Variants in ARHGAP24 observed in about 807,000 individuals in gnomAD.
ARHGAP24 encodes the protein Rho GTPase activating protein 24, also known as rho GTPase-activating protein 24.
Under a neutral mutation model 76.4 loss-of-function variants are expected in ARHGAP24, and 50 were observed. The observed-to-expected ratio is 0.65, with a 90% CI of 0.52 to 0.83. The LOEUF is 0.83. Ranked by LOEUF, ARHGAP24 falls within the 40% of genes least tolerant of loss-of-function variation. The pLI is 0.00. For synonymous variants in ARHGAP24, 345 were observed against 323.3 expected (o/e 1.07, Z -0.72); for missense variants, 930 against 914.2 (o/e 1.02, Z -0.22).
At chr4:85,859,220 C>CAA (rs1463497424) in intron 3 of ARHGAP24, among the ~76,000 whole-genome samples, 1 of 151,290 alleles carries the variant, frequency 6.6e-6, no homozygotes, top group Admixed American at 6.6e-5. Flanking sequence ...CATACACACA[C>CAA]ACACACACAC....
At chr4:85,620,696 CTTAAG>C (rs1720688445) in intron 2 of ARHGAP24, among the ~76,000 whole-genome samples, 1 of 151,596 alleles carries the variant, frequency 6.6e-6, no homozygotes, top group Admixed American at 6.6e-5. Flanking sequence ...AAACTTTGGG[CTTAAG>C]TTGTTTTTCT....
intron 3 of ARHGAP24, among the ~76,000 whole-genome samples, chr4:85,900,484 C>T: frequency 6.7e-6 from 1 of 150,302 alleles, no homozygotes; most frequent in Non-Finnish European, 1.5e-5. Flanking sequence ...GAGTTTTGCT[C>T]TTGTTGCCCA....
At chr4:85,675,850 T>A (rs950147090) in intron 2 of ARHGAP24, among the ~76,000 whole-genome samples, 2 of 152,182 alleles carry the variant, frequency 1.3e-5, no homozygotes, top group African/African-American at 4.8e-5. Flanking sequence ...TCAGGCAGGA[T>A]GGTTAGAGCC....
At position 85,570,650 on chromosome 4, in the gene ARHGAP24, C is replaced by A; in HGVS notation, c.109C>A (p.His37Asn). 1 of 1,614,112 alleles carries A rather than the reference C, an allele frequency of 6.2e-7. No individual in the cohort carries two copies. The highest frequency in any genetic ancestry group is 8.5e-7 in the Non-Finnish European group (1 of 1,180,022). Residue 37 changes from histidine (H) to asparagine (N), a missense_variant, in exon 2 of 10, where the codon CAT (histidine) becomes AAT (asparagine). By Grantham distance (68) the His-to-Asn change is moderately conservative. Coordinates refer to ENST00000395184, the MANE Select transcript of ARHGAP24 (RefSeq NM_001025616.3). Reference sequence around the variant, plus strand: ...GCAAGGAGGCTTTGTCAAGACTTGGCATACTCGCTGGTTTGTGCTCAAGGG... The same window carrying A: ...GCAAGGAGGCTTTGTCAAGACTTGGAATACTCGCTGGTTTGTGCTCAAGGG... Reference protein sequence around the residue: ...RKQGGFVKTWHTRWFVLKGDQ... With the variant: ...RKQGGFVKTWNTRWFVLKGDQ...
intron 2 of ARHGAP24, among the ~76,000 whole-genome samples, chr4:85,658,073 C>A (rs187219202): frequency 1.3e-5 from 2 of 152,190 alleles, no homozygotes; most frequent in East Asian, 3.9e-4. Context: ...TTTAATTATT[C>A]TTCATTTACA....
chr4:85,733,060 C>CTTTTTTTTTT (rs1210109366), intron 3 of ARHGAP24, among the ~76,000 whole-genome samples: 618 of 55,198 alleles, frequency 0.011, 201 homozygotes, highest in African/African-American at 0.023. Context: ...GCCTCACCAA[C>CTTTTTTTTTT]TTTTTTTTTT....
Position 85,709,062 on chromosome 4 carries a change from A to G in ARHGAP24, c.181-12823A>G, listed in dbSNP as rs149060994. Among the ~76,000 whole-genome samples the G allele has an allele frequency of 2.4e-3, 367 of 152,268 alleles. 1 individual carries two copies. The highest frequency in any genetic ancestry group is 8.6e-3 in the African/African-American group (357 of 41,558). On this transcript the variant is annotated intron_variant, in intron 2 of 9. Transcript: ENST00000395184. ...TATCTGTGCCTTCTATATTCCCAGT[A>G]CCCTTTAAACTATTAAGGATAGATA...
At chr4:85,875,866 C>T (rs1054798563) in intron 3 of ARHGAP24, among the ~76,000 whole-genome samples, 4 of 150,964 alleles carry the variant, frequency 2.6e-5, no homozygotes, top group Non-Finnish European at 5.9e-5. Context: ...TTCAGCCTCC[C>T]GAGTTAGCTG....
chr4:85,968,607 C>A (rs1459725927), intron 5 of ARHGAP24, among the ~76,000 whole-genome samples: 1 of 152,052 alleles, frequency 6.6e-6, no homozygotes. Context: ...TTCAGAGAAA[C>A]GCCAGACTTC....
chr4:85,923,871 G>A (rs997632380), intron 4 of ARHGAP24, 101 bp downstream of exon 4: 2 of 1,530,670 alleles, frequency 1.3e-6, no homozygotes, highest in Middle Eastern at 1.8e-4. Flanking sequence ...ATTCAAGTGG[G>A]TGAATGTTAA....
At chr4:85,737,207 G>T (rs1425300103) in intron 3 of ARHGAP24, among the ~76,000 whole-genome samples, 1 of 152,042 alleles carries the variant, frequency 6.6e-6, no homozygotes, top group Non-Finnish European at 1.5e-5. Flanking sequence ...AGTCATAAGT[G>T]ACCCCTCTCC....
chr4:85,859,445 C>T lies in ARHGAP24; in HGVS notation c.269-64203C>T, dbSNP rs1166257283. 2.6e-5 allele frequency among the ~76,000 whole-genome samples: 4 copies of T among 152,004 alleles called. No homozygotes were observed. The East Asian group carries it at 5.8e-4, about 22-fold the overall frequency. ...ATAGAAAATGGTAACAGAGTAATCT[C>T]GGCAGATAAAAATAAAGTCCCAAAT... On this transcript the variant is annotated intron_variant, in intron 3 of 9. Coordinates refer to ENST00000395184, the MANE Select transcript of ARHGAP24 (RefSeq NM_001025616.3).
At chr4:85,725,768 T>C (rs1376194093) in intron 3 of ARHGAP24, among the ~76,000 whole-genome samples, 1 of 152,174 alleles carries the variant, frequency 6.6e-6, no homozygotes, top group East Asian at 1.9e-4. Flanking sequence ...GCTTGCTTTG[T>C]GTTTATTCAG....
At chr4:85,602,243 A>C (rs191933024) in intron 2 of ARHGAP24, among the ~76,000 whole-genome samples, 38 of 152,332 alleles carry the variant, frequency 2.5e-4, no homozygotes, top group Admixed American at 2.0e-3. Flanking sequence ...ATCTCACGTA[A>C]TTTCCCAAGC....
chr4:85,607,420 A>G (rs2109992707), intron 2 of ARHGAP24, among the ~76,000 whole-genome samples: 1 of 151,902 alleles, frequency 6.6e-6, no homozygotes, highest in East Asian at 1.9e-4. Flanking sequence ...AAGAGAGAAA[A>G]AGAGAGAAAG....
intron 1 of ARHGAP24, among the ~76,000 whole-genome samples, chr4:85,503,084 G>T (rs538502240): frequency 1.4e-4 from 21 of 152,318 alleles, no homozygotes; most frequent in South Asian, 4.1e-4. Flanking sequence ...GATCGTAGTG[G>T]ATAAGCTTTT....
intron 2 of ARHGAP24, chr4:85,604,101 G>A (rs1028721093): frequency 5.3e-5 from 8 of 152,306 alleles, no homozygotes; most frequent in African/African-American, 9.6e-5. Flanking sequence ...AACTGATGAC[G>A]TCAAAACTGG....
intron 8 of ARHGAP24, among the ~76,000 whole-genome samples, chr4:85,993,390 C>A (rs1393291728): frequency 6.6e-6 from 1 of 152,094 alleles, no homozygotes; most frequent in East Asian, 1.9e-4. Flanking sequence ...ATTGATGTAG[C>A]AGTAGATCTT....
At chr4:85,489,423 A>G (rs1408602860) in intron 1 of ARHGAP24, among the ~76,000 whole-genome samples, 1 of 152,182 alleles carries the variant, frequency 6.6e-6, no homozygotes, top group Non-Finnish European at 1.5e-5. Flanking sequence ...GGAACATTCC[A>G]GGGAGTATCC....
Sources: allele counts gnomAD v4.1 joint callset (sites outside exome capture counted in the v4.1 genomes callset), GRCh38; gene constraint gnomAD v4.1.1; transcripts MANE v1.5; gene names NCBI Gene and HGNC (gene_info 2026-07-23, HGNC 2026-07-21).